Variants in PTGER3 observed in about 807,000 individuals in gnomAD.
PTGER3 encodes prostaglandin E receptor 3, also known as prostaglandin E2 receptor EP3 subtype.
Under a neutral mutation model 34.7 loss-of-function variants are expected in PTGER3, and 22 were observed. The observed-to-expected ratio is 0.63, with a 90% CI of 0.45 to 0.91. The LOEUF (loss-of-function observed/expected upper bound fraction) is 0.91, where lower values mean the gene tolerates loss of function less well. PTGER3 is among the 40% of genes least tolerant of loss of function. PTGER3 has a pLI of 0.00. For missense variants in PTGER3, 468 were observed against 519.4 expected (o/e 0.90, Z 0.96); for synonymous variants, 241 against 230.1 (o/e 1.05, Z -0.43).
At chr1:70,915,790 T>C (rs1647161997) in intron 4 of PTGER3, among the ~76,000 whole-genome samples, 1 of 151,892 alleles carries the variant, frequency 6.6e-6, no homozygotes, top group Admixed American at 6.6e-5. Flanking sequence ...AGTTTTCTGT[T>C]TCATTGGTCT....
intron 2 of PTGER3, among the ~76,000 whole-genome samples, chr1:70,993,282 T>C (rs1020579727): frequency 1.3e-5 from 2 of 152,234 alleles, no homozygotes; most frequent in Non-Finnish European, 2.9e-5. Context: ...GGAAAACTTC[T>C]AGAGAGACAG....
At chr1:71,008,848 CT>C in intron 2 of PTGER3, 1 of 960,914 alleles carries the variant, frequency 1.0e-6, no homozygotes. Flanking sequence ...TCAAGTTAGG[CT>C]TTTTATGTGT....
chr1:71,018,753 AAATT>A (rs1376573304), intron 1 of PTGER3, among the ~76,000 whole-genome samples: 1 of 152,150 alleles, frequency 6.6e-6, no homozygotes, highest in Non-Finnish European at 1.5e-5. Flanking sequence ...GATTATTTGA[AAATT>A]AATTTTTGTG....
chr1:70,903,019 G>C (rs1002130623), intron 4 of PTGER3, among the ~76,000 whole-genome samples: 1 of 152,154 alleles, frequency 6.6e-6, no homozygotes, highest in African/African-American at 2.4e-5. Context: ...AGATCATCTA[G>C]GATTATTCAG....
At position 71,047,361 on chromosome 1, in the gene PTGER3, C is replaced by A; in HGVS notation, c.217G>T (p.Val73Leu). Residue 73 changes from valine to leucine, a missense_variant, in exon 1 of 4, where the codon GTG (valine) becomes TTG (leucine). Transcript: ENST00000306666. Reference sequence around the variant, plus strand: ...TCCCGGCGCCGGTAGCTGCGCGACACGAGCAGCATGGCCAGTGCGTTGCCC... The same window carrying A: ...TCCCGGCGCCGGTAGCTGCGCGACAAGAGCAGCATGGCCAGTGCGTTGCCC... ...FVGNALAMLL[V>L]SRSYRRRESK... 1 of 1,610,180 alleles carries A rather than the reference C, an allele frequency of 6.2e-7. No homozygotes were observed. The highest frequency in any genetic ancestry group is 8.5e-7 in the Non-Finnish European group (1 of 1,178,906).
chr1:71,000,698 C>CT (rs1656392566), intron 2 of PTGER3, among the ~76,000 whole-genome samples: 1 of 152,070 alleles, frequency 6.6e-6, no homozygotes, highest in African/African-American at 2.4e-5. Flanking sequence ...GGTTTGGGCA[C>CT]TTGGAAGACT....
intron 1 of PTGER3, among the ~76,000 whole-genome samples, chr1:71,044,123 C>A (rs557159804): frequency 2.0e-5 from 3 of 150,390 alleles, no homozygotes; most frequent in East Asian, 4.1e-4. Context: ...GCCGATGGAA[C>A]CATTTTCTTT....
At chr1:70,869,345 T>A (rs766197102) in intron 4 of PTGER3, 1 of 464,460 alleles carries the variant, frequency 2.2e-6, no homozygotes, top group African/African-American at 2.0e-5. Context: ...CAATTCAACA[T>A]GAGATTTGGG....
intron 2 of PTGER3, chr1:71,005,813 G>A: frequency 1.1e-6 from 1 of 945,178 alleles, no homozygotes; most frequent in Non-Finnish European, 1.3e-6. Flanking sequence ...AGGTTTACCA[G>A]CATGATGGTG....
At chr1:70,866,343 C>T (rs965201252) in intron 4 of PTGER3, among the ~76,000 whole-genome samples, 4 of 152,166 alleles carry the variant, frequency 2.6e-5, no homozygotes, top group Non-Finnish European at 4.4e-5. Flanking sequence ...ATGTTGGTCT[C>T]AATGAAAGCC....
intron 4 of PTGER3, among the ~76,000 whole-genome samples, chr1:70,898,218 C>G (rs976807933): frequency 6.6e-6 from 1 of 152,104 alleles, no homozygotes. Flanking sequence ...CTGGGCAACC[C>G]AGGCCAATTC....
At chr1:70,888,421 G>A (rs1203723819) in intron 4 of PTGER3, among the ~76,000 whole-genome samples, 1 of 152,072 alleles carries the variant, frequency 6.6e-6, no homozygotes, top group Non-Finnish European at 1.5e-5. Flanking sequence ...ACAACATGAT[G>A]TTTTGATACA....
intron 2 of PTGER3, chr1:71,007,843 C>T: frequency 1.0e-6 from 1 of 985,052 alleles, no homozygotes; most frequent in Non-Finnish European, 1.2e-6. Flanking sequence ...TTAACAATAG[C>T]ATTGAAGAGA....
chr1:70,982,741 T>A (rs1482902822), intron 2 of PTGER3, among the ~76,000 whole-genome samples: 1 of 152,108 alleles, frequency 6.6e-6, no homozygotes, highest in African/African-American at 2.4e-5. Context: ...GAGCAGTCAA[T>A]AAACATTAGG....
At chr1:71,005,532 C>T (rs921975713) in intron 2 of PTGER3, among the ~76,000 whole-genome samples, 1 of 152,172 alleles carries the variant, frequency 6.6e-6, no homozygotes, top group Non-Finnish European at 1.5e-5. Flanking sequence ...TCCTGTTCCC[C>T]TACCAGGTTA....
chr1:70,854,418 C>G (rs1189137765), intron 4 of PTGER3, among the ~76,000 whole-genome samples: 2 of 152,096 alleles, frequency 1.3e-5, no homozygotes, highest in African/African-American at 4.8e-5. Context: ...TGAGATATCA[C>G]CCATTAAGAT....
intron 2 of PTGER3, among the ~76,000 whole-genome samples, chr1:70,991,359 C>A (rs1655461615): frequency 6.6e-6 from 1 of 152,150 alleles, no homozygotes; most frequent in Admixed American, 6.5e-5. Context: ...CTCTCTTATC[C>A]TCTCCTCTCC....
chr1:70,981,351 CTTTCTTTCTTTCTTTCTT>C (rs1654294708), intron 2 of PTGER3, among the ~76,000 whole-genome samples: 1 of 82,846 alleles, frequency 1.2e-5, no homozygotes, highest in Admixed American at 1.6e-4. Context: ...TTCTTTCTTT[CTTTCTTTCTTTCTTTCTT>C]TCTTTCTTTC....
chr1:70,986,337 C>T (rs1001617407), intron 2 of PTGER3, among the ~76,000 whole-genome samples: 35 of 152,174 alleles, frequency 2.3e-4, no homozygotes, highest in South Asian at 2.1e-4. Context: ...GTAGACTCAC[C>T]CTGAAGTCTT....
Sources: gnomAD v4.1 joint callset for allele counts (sites outside exome capture counted in the v4.1 genomes callset) on GRCh38, gnomAD v4.1.1 for gene constraint, MANE v1.5 for transcripts, NCBI Gene and HGNC (gene_info 2026-07-23, HGNC 2026-07-21) for gene names.